The following DVL2 variants were observed in gnomAD, a reference collection of about 807,000 sequenced individuals.
DVL2 encodes the protein dishevelled segment polarity protein 2.
Under a neutral mutation model 69.8 loss-of-function variants are expected in DVL2, and 38 were observed. That is an observed-to-expected ratio of 0.54 (90% CI 0.42 to 0.71). DVL2 has a LOEUF of 0.71. Ranked by LOEUF, DVL2 falls within the 30% of genes least tolerant of loss-of-function variation. The probability of loss-of-function intolerance (pLI) is 0.00; values close to 1 mark genes in which losing one functional copy is unlikely to be tolerated. For missense variants in DVL2, 931 were observed against 1,008.1 expected (o/e 0.92, Z 1.04); for synonymous variants, 428 against 392.4 (o/e 1.09, Z -1.07).
At chr17:7,230,662 A>G in intron 2 of DVL2, 66 bp downstream of exon 2, 1 of 1,519,896 alleles carries the variant, frequency 6.6e-7, no homozygotes, top group Non-Finnish European at 9.0e-7. Context: ...ATACAGAAAC[A>G]GACTGAGGCT....
chr17:7,228,871 C>A lies in DVL2; in HGVS notation c.1034+98G>T, dbSNP rs1031169712. 5.4e-6 allele frequency: 7 copies of A among 1,286,922 alleles called. No individual in the cohort carries two copies. In the South Asian group the frequency reaches 8.7e-5, roughly 16 times the overall value. 79.7% of individuals were successfully genotyped at this position (1,286,922 alleles called of 1,614,324 possible). On this transcript the variant is annotated intron_variant, in intron 9 of 14. Transcript: ENST00000005340. Reference sequence around the variant, plus strand: ...TGCTGGGTTTACAGGCTCGAGCCACCACGCCCGGCTGTCTTAGTACTTATT... The same window carrying A: ...TGCTGGGTTTACAGGCTCGAGCCACAACGCCCGGCTGTCTTAGTACTTATT...
intron 1 of DVL2, among the ~76,000 whole-genome samples, chr17:7,233,422 T>G (rs530451442): frequency 1.3e-5 from 2 of 152,076 alleles, no homozygotes; most frequent in East Asian, 3.9e-4. Flanking sequence ...TACAACCCAG[T>G]AGAGTCCATA....
At chr17:7,233,045 G>C (rs1030453477) in intron 1 of DVL2, among the ~76,000 whole-genome samples, 1 of 139,300 alleles carries the variant, frequency 7.2e-6, no homozygotes, top group Non-Finnish European at 1.5e-5. Context: ...AGCTGAGAAT[G>C]CGCCACTGCA....
At position 7,227,253 on chromosome 17, in the gene DVL2, G is replaced by C; in HGVS notation, c.1380C>G (p.Asp460Glu). The C allele has an allele frequency of 1.2e-6, 2 of 1,611,094 alleles. No homozygotes were observed. Among genetic ancestry groups the C allele is most frequent in the Non-Finnish European group, 1.7e-6 (2 of 1,178,000 alleles). Residue 460 changes from aspartate (D) to glutamate (E), a missense_variant, in exon 13 of 15, where the codon GAC (aspartate) becomes GAG (glutamate). Asp to Glu is a conservative substitution (Grantham distance 45). Coordinates refer to ENST00000005340, the MANE Select transcript of DVL2 (RefSeq NM_004422.3). ...PNAFLGSDVVDWLYHHVEGFP... is the reference protein window; with the variant it reads ...PNAFLGSDVVEWLYHHVEGFP... ...AGCCCTCCACGTGATGGTAGAGCCA[G>C]TCAACCACATCCGAGCCTGGGAGCA...
At position 7,226,218 on chromosome 17, in the gene DVL2, TG is replaced by T; in HGVS notation, c.1857del (p.Ser620ValfsTer61). On this transcript the variant is annotated frameshift_variant, in exon 15 of 15. Transcript: ENST00000005340. LOFTEE classifies it high-confidence loss of function. ...ERAPESKSGS[G>X]SESEPSSRGG... ...CCTCGGCTGGAGGGCTCAGACTCAC[TG>T]CCACTGCCGGACTTGGACTCGGGGG... is the stretch of plus-strand genomic sequence containing the variant. The T allele has an allele frequency of 6.2e-7, 1 of 1,612,362 alleles. No individual in the cohort carries two copies. The highest frequency in any genetic ancestry group is 8.5e-7 in the Non-Finnish European group (1 of 1,179,746).
intron 1 of DVL2, 97 bp from the exon 2 acceptor site, chr17:7,230,894 G>T: frequency 2.2e-6 from 2 of 913,158 alleles, no homozygotes; most frequent in Non-Finnish European, 3.5e-6. Flanking sequence ...GCTCCAGGAT[G>T]TTGACTTTCT....
At chr17:7,231,411 C>G (rs941159199) in intron 1 of DVL2, among the ~76,000 whole-genome samples, 4 of 138,482 alleles carry the variant, frequency 2.9e-5, no homozygotes, top group Non-Finnish European at 6.0e-5. Flanking sequence ...TGCAGTAAGT[C>G]GAGATCGCGC....
At chr17:7,233,966 G>A (rs767877525) in intron 1 of DVL2, 103 bp downstream of exon 1, 1 of 1,268,470 alleles carries the variant, frequency 7.9e-7, no homozygotes, top group Non-Finnish European at 1.1e-6. Context: ...TCCACCATAG[G>A]CCAGAAAATC....
rs2071523204 is a variant in DVL2, at chr17:7,230,293, T to C, written c.402A>G (p.Pro134=). 3 of 1,613,920 alleles carry C rather than the reference T, an allele frequency of 1.9e-6. No homozygotes were observed. Among genetic ancestry groups the C allele is most frequent in the South Asian group, 1.1e-5 (1 of 91,070 alleles). ...GAATCTGAAGGACTCACTGGAAGGA[T>C]GGAGGCCTTGAGTCCCCAATGCCGC... The part of the protein sequence containing the change: ...RTSGIGDSRP[P]SFHPNVSSSH... The change falls in exon 3 of 15, where the codon CCA becomes CCG. Residue 134 remains proline, a synonymous_variant. Coordinates refer to ENST00000005340, the MANE Select transcript of DVL2 (RefSeq NM_004422.3).
At position 7,229,379 on chromosome 17, in the gene DVL2, C is replaced by T. The variant is rs1162667818; in HGVS notation, c.816G>A (p.Met272Ile). 1.2e-6 allele frequency: 2 copies of T among 1,613,956 alleles called. No individual in the cohort carries two copies. Among genetic ancestry groups the T allele is most frequent in the South Asian group, 1.1e-5 (1 of 91,080 alleles). Reference protein sequence around the residue: ...SLNIITVTLNMEKYNFLGISI... With the variant: ...SLNIITVTLNIEKYNFLGISI... ...CCTAGCCACAGGCTCTCCCCATACC[C>T]ATGTTTAGCGTGACTGTGATGATAT... The change falls in exon 7 of 15, where the codon ATG (methionine) becomes ATA (isoleucine). Residue 272 changes from methionine (M) to isoleucine (I), a missense_variant and splice_region_variant. Coordinates refer to ENST00000005340, the MANE Select transcript of DVL2 (RefSeq NM_004422.3). The surrounding 1 kb of genome is among the most constrained non-coding windows in gnomAD (Gnocchi z 4.4).
At chr17:7,228,674 A>G (rs942620721) in intron 9 of DVL2, 2 of 353,808 alleles carry the variant, frequency 5.7e-6, no homozygotes, top group Non-Finnish European at 1.0e-5. Flanking sequence ...TCCACCCCCC[A>G]GGGTTCAAGT....
chr17:7,229,763 C>T lies in DVL2; in HGVS notation c.656+45G>A, dbSNP rs748743901. The T allele has an allele frequency of 8.8e-6, 14 of 1,590,794 alleles. No homozygotes were observed. Among genetic ancestry groups the T allele is most frequent in the South Asian group, 5.6e-5 (5 of 89,848 alleles). ...AAGAACAAGAGGATTGACTGGAAGA[C>T]GAGACGGGGCTGGGTGCGCTGGGGA... On this transcript the variant is annotated intron_variant, in intron 5 of 14. Coordinates refer to ENST00000005340, the MANE Select transcript of DVL2 (RefSeq NM_004422.3). The surrounding 1 kb of genome is among the most constrained non-coding windows in gnomAD (Gnocchi z 4.4).
Position 7,230,105 on chromosome 17 carries a change from T to C in DVL2, c.461A>G (p.Glu154Gly), listed in dbSNP as rs1211436817. 1 of 1,614,168 alleles carries C rather than the reference T, an allele frequency of 6.2e-7. No homozygotes were observed. The highest frequency in any genetic ancestry group is 8.5e-7 in the Non-Finnish European group (1 of 1,180,016). Residue 154 changes from glutamate to glycine, a missense_variant, in exon 4 of 15, where the codon GAG (glutamate) becomes GGG (glycine). Glu to Gly is a moderately conservative substitution (Grantham distance 98). Around this residue, in one of 3 missense-constraint regions of DVL2, gnomAD observed 555 missense variants for 588.8 expected, o/e 0.94. Transcript: ENST00000005340. ...HENLEPETET[E>G]SVVSLRRERP... is the part of the protein sequence containing the mutation. The stretch of plus-strand genomic sequence containing the variant: ...CTCCCGCCTCAGTGACACTACTGAC[T>C]CGGTTTCTGTCTCAGGCTCCAGATT...
chr17:7,230,062 G>A lies in DVL2; in HGVS notation c.504C>T (p.Asp168=), dbSNP rs920906597. The change falls in exon 4 of 15, where the codon GAC becomes GAT. Residue 168 remains aspartate, a synonymous_variant. Coordinates refer to ENST00000005340, the MANE Select transcript of DVL2 (RefSeq NM_004422.3). The stretch of plus-strand genomic sequence containing the variant: ...GCCCCTCACCGCCATGCTCACTGCT[G>A]TCTCTCCTGCGAGGCCGCTCCCGCC... ...SLRRERPRRR[D]SSEHGAGGHR... The A allele has an allele frequency of 1.9e-6, 3 of 1,614,030 alleles. No individual in the cohort carries two copies. Among genetic ancestry groups the A allele is most frequent in the Non-Finnish European group, 8.5e-7 (1 of 1,180,022 alleles).
chr17:7,229,175 G>A lies in DVL2; in HGVS notation c.917C>T (p.Ala306Val), dbSNP rs777424121. ...IGSIMKGGAVAADGRIEPGDM... is the reference protein window; with the variant it reads ...IGSIMKGGAVVADGRIEPGDM... ...CCCTGGCTCAATGCGCCCGTCGGCC[G>A]CCACAGCCCCACCCTTCATGATGGA... Residue 306 changes from alanine (A) to valine (V), a missense_variant, in exon 8 of 15, where the codon GCG (alanine) becomes GTG (valine). Transcript: ENST00000005340. This position sits in a 1 kb window ranked among gnomAD's most constrained non-coding sequence, Gnocchi z 4.4. 6.2e-6 allele frequency: 10 copies of A among 1,614,158 alleles called. No individual in the cohort carries two copies. The highest frequency in any genetic ancestry group is 2.2e-5 in the East Asian group (1 of 44,884).
intron 1 of DVL2, among the ~76,000 whole-genome samples, chr17:7,231,680 T>G (rs553067116): frequency 1.4e-3 from 219 of 151,774 alleles, no homozygotes; most frequent in Non-Finnish European, 2.4e-3. Flanking sequence ...CTGGCCAACA[T>G]GGTGAAACCC....
chr17:7,231,234 C>T lies in DVL2; in HGVS notation c.195-437G>A, dbSNP rs527911300. ...ATCCCAGCACTTTGGGAGGCTGAGG[C>T]GGGCGGATCACCTGAGGTCAGGAGT... On this transcript the variant is annotated intron_variant, in intron 1 of 14. Coordinates refer to ENST00000005340, the MANE Select transcript of DVL2 (RefSeq NM_004422.3). Among the ~76,000 whole-genome samples the T allele has an allele frequency of 6.1e-3, 924 of 151,156 alleles. 7 individuals are homozygous for T. Among genetic ancestry groups the T allele is most frequent in the Middle Eastern group, 0.021 (6 of 286 alleles).
At position 7,225,836 on chromosome 17, in the gene DVL2, CGCCCG is replaced by C. The variant is rs1567570970; in HGVS notation, c.*24_*28del. 2 of 1,596,474 alleles carry C rather than the reference CGCCCG, an allele frequency of 1.3e-6. No individual in the cohort carries two copies. The highest frequency in any genetic ancestry group is 3.3e-5 in the Admixed American group (2 of 59,980). ...AGGACACCCAGTCACACACCAGGAG[CGCCCG>C]GCCCAGCCTGGCCCCACAGTGGGCT... On this transcript the variant is annotated 3_prime_UTR_variant, in exon 15 of 15. Transcript: ENST00000005340.
chr17:7,232,369 C>T (rs148185468), intron 1 of DVL2, among the ~76,000 whole-genome samples: 4 of 152,194 alleles, frequency 2.6e-5, no homozygotes, highest in Admixed American at 6.5e-5. Flanking sequence ...CGTGACAACA[C>T]AGCCCAGTCA....
Sources: allele counts gnomAD v4.1 joint callset (sites outside exome capture counted in the v4.1 genomes callset), GRCh38; gene constraint gnomAD v4.1.1; regional missense constraint gnomAD v4.1.1; non-coding constraint Gnocchi (gnomAD v3.1); transcripts MANE v1.5; gene names NCBI Gene and HGNC (gene_info 2026-07-23, HGNC 2026-07-21).